Variants in CNTN5 observed in about 807,000 individuals in gnomAD.
CNTN5 encodes the protein contactin-5.
In CNTN5, 77 loss-of-function variants were observed where a neutral mutation model predicts 129.1. That is an observed-to-expected ratio of 0.60 (90% CI 0.50 to 0.72). CNTN5 has a LOEUF of 0.72. Ranked by LOEUF, CNTN5 falls within the 30% of genes least tolerant of loss-of-function variation. The pLI is 0.00. For synonymous variants in CNTN5, 509 were observed against 465.6 expected, an observed-to-expected ratio of 1.09 and a Z score of -1.20; for missense variants, 1,478 against 1,328.8, an observed-to-expected ratio of 1.11 and a Z score of -1.75.
chr11:99,206,038 G>A (rs773789582), intron 1 of CNTN5, among the ~76,000 whole-genome samples: 4 of 152,088 alleles, frequency 2.6e-5, no homozygotes, highest in Non-Finnish European at 5.9e-5. Flanking sequence ...GTGCTCCTCT[G>A]TGAGGTCTCA....
intron 6 of CNTN5, among the ~76,000 whole-genome samples, chr11:99,907,465 C>T (rs1313711243): frequency 6.6e-6 from 1 of 151,816 alleles, no homozygotes; most frequent in Non-Finnish European, 1.5e-5. Flanking sequence ...CTATGTTGTC[C>T]AGTTGCCTAT....
chr11:99,865,425 T>A (rs1035826850), intron 6 of CNTN5, among the ~76,000 whole-genome samples: 1 of 151,842 alleles, frequency 6.6e-6, no homozygotes, highest in Non-Finnish European at 1.5e-5. Context: ...CTATGAAAAT[T>A]ATAATACTAT....
At chr11:100,025,753 T>C (rs570864979) in intron 9 of CNTN5, among the ~76,000 whole-genome samples, 1 of 152,332 alleles carries the variant, frequency 6.6e-6, no homozygotes, top group East Asian at 1.9e-4. Context: ...TTTGGACTTG[T>C]ATGGTGCCTG....
chr11:99,151,318 G>C (rs1860045737), intron 1 of CNTN5, among the ~76,000 whole-genome samples: 1 of 152,112 alleles, frequency 6.6e-6, no homozygotes, highest in African/African-American at 2.4e-5. Context: ...GATAGGGATG[G>C]AGAGAAAATG....
intron 18 of CNTN5, among the ~76,000 whole-genome samples, chr11:100,289,054 G>C (rs940933733): frequency 2.0e-5 from 3 of 152,114 alleles, no homozygotes; most frequent in Non-Finnish European, 4.4e-5. Flanking sequence ...CAAAGACTAA[G>C]CCAGGGAGAG....
intron 3 of CNTN5, among the ~76,000 whole-genome samples, chr11:99,771,297 C>T (rs1044217966): frequency 2.6e-5 from 4 of 151,916 alleles, no homozygotes; most frequent in Non-Finnish European, 5.9e-5. Flanking sequence ...CATCATTCAC[C>T]ATAGCAAAGA....
chr11:100,122,495 GC>G (rs1946058420), intron 13 of CNTN5, among the ~76,000 whole-genome samples: 1 of 152,000 alleles, frequency 6.6e-6, no homozygotes, highest in Non-Finnish European at 1.5e-5. Flanking sequence ...CAGTTCTCAA[GC>G]TATTTTTTTA....
chr11:100,296,039 C>T (rs1457998296), intron 18 of CNTN5, among the ~76,000 whole-genome samples: 5 of 151,474 alleles, frequency 3.3e-5, no homozygotes, highest in African/African-American at 1.2e-4. Context: ...CTTTGATGGT[C>T]ACAATATTCA....
chr11:99,706,878 T>A (rs1300371469), intron 3 of CNTN5, among the ~76,000 whole-genome samples: 1 of 150,730 alleles, frequency 6.6e-6, no homozygotes, highest in East Asian at 2.0e-4. Context: ...ATGGATTAAG[T>A]ATGCAGACTC....
intron 2 of CNTN5, among the ~76,000 whole-genome samples, chr11:99,484,225 C>A (rs927104627): frequency 9.9e-5 from 15 of 151,936 alleles, no homozygotes; most frequent in Admixed American, 9.2e-4. Flanking sequence ...TATGAGTTAT[C>A]TGAATATACA....
intron 2 of CNTN5, among the ~76,000 whole-genome samples, chr11:99,493,891 A>T (rs951912269): frequency 1.6e-4 from 24 of 152,326 alleles, no homozygotes; most frequent in African/African-American, 5.3e-4. Flanking sequence ...TAAAGGTAGT[A>T]AACTTCAAAA....
At chr11:99,449,832 G>A (rs1944225991) in intron 2 of CNTN5, among the ~76,000 whole-genome samples, 1 of 152,178 alleles carries the variant, frequency 6.6e-6, no homozygotes, top group South Asian at 2.1e-4. Flanking sequence ...TCACTTAGGT[G>A]GATGTCCATT....
chr11:99,034,511 T>A (rs1221583333), intron 1 of CNTN5, among the ~76,000 whole-genome samples: 1 of 151,734 alleles, frequency 6.6e-6, no homozygotes, highest in East Asian at 1.9e-4. Flanking sequence ...AGTGTATGTG[T>A]CGAGGAATTT....
At chr11:99,833,103 A>C (rs1294591570) in intron 4 of CNTN5, among the ~76,000 whole-genome samples, 1 of 152,190 alleles carries the variant, frequency 6.6e-6, no homozygotes, top group Non-Finnish European at 1.5e-5. Flanking sequence ...CAAAACCAAA[A>C]AGCAATCCTT....
At chr11:100,016,858 T>C (rs1356264666) in intron 9 of CNTN5, among the ~76,000 whole-genome samples, 1 of 151,660 alleles carries the variant, frequency 6.6e-6, no homozygotes, top group Non-Finnish European at 1.5e-5. Context: ...AGCACCTACC[T>C]TGTGTGACCG....
intron 21 of CNTN5, among the ~76,000 whole-genome samples, chr11:100,331,037 G>A (rs1398966267): frequency 6.6e-6 from 1 of 152,034 alleles, no homozygotes; most frequent in Non-Finnish European, 1.5e-5. Context: ...TATACAGAAT[G>A]GCAGAATAGA....
chr11:100,121,742 C>G (rs1245090492), intron 13 of CNTN5, among the ~76,000 whole-genome samples: 3 of 151,964 alleles, frequency 2.0e-5, no homozygotes, highest in African/African-American at 4.8e-5. Flanking sequence ...AATAGAGAGT[C>G]TCTTGTTTTC....
At chr11:99,037,576 CTTTTTTTTT>C (rs1161467398) in intron 1 of CNTN5, among the ~76,000 whole-genome samples, 9 of 105,656 alleles carry the variant, frequency 8.5e-5, no homozygotes, top group Admixed American at 4.1e-4. Flanking sequence ...TTTTTCTTTT[CTTTTTTTTT>C]TTTTTTTTTT....
chr11:100,296,437 C>T (rs777081666), intron 18 of CNTN5, among the ~76,000 whole-genome samples: 4 of 151,502 alleles, frequency 2.6e-5, no homozygotes, highest in Non-Finnish European at 3.0e-5. Flanking sequence ...GTGAGATGAA[C>T]TCCACATATG....
Sources: gnomAD v4.1 joint callset for allele counts (sites outside exome capture counted in the v4.1 genomes callset) on GRCh38, gnomAD v4.1.1 for gene constraint, MANE v1.5 for transcripts, NCBI Gene and HGNC (gene_info 2026-07-23, HGNC 2026-07-21) for gene names.